Variants in DLGAP2 observed in about 807,000 individuals in gnomAD.
DLGAP2 encodes DLG associated protein 2.
Under a neutral mutation model 100.3 loss-of-function variants are expected in DLGAP2, and 26 were observed. The observed-to-expected ratio is 0.26, with a 90% CI of 0.19 to 0.36. The LOEUF is 0.36. DLGAP2 is among the 10% of genes least tolerant of loss of function. DLGAP2 has a pLI of 1.00. For synonymous variants in DLGAP2, 886 were observed against 630.1 expected (o/e 1.41, Z -6.08); for missense variants, 1,858 against 1,453.2 (o/e 1.28, Z -4.53).
At chr8:760,983 A>G (rs1189184330) in intron 1 of DLGAP2, among the ~76,000 whole-genome samples, 1 of 152,178 alleles carries the variant, frequency 6.6e-6, no homozygotes, top group African/African-American at 2.4e-5. Context: ...TTCCAGGCTC[A>G]TGGGCATTTT....
intron 8 of DLGAP2, among the ~76,000 whole-genome samples, chr8:1,663,970 A>C (rs1468895632): frequency 6.6e-6 from 1 of 152,206 alleles, no homozygotes; most frequent in African/African-American, 2.4e-5. Flanking sequence ...CAGCCCCCAG[A>C]GGAGCCTGCA....
intron 2 of DLGAP2, among the ~76,000 whole-genome samples, chr8:1,228,579 G>T (rs1446839199): frequency 6.6e-6 from 1 of 152,126 alleles, no homozygotes; most frequent in East Asian, 1.9e-4. Flanking sequence ...ATTGAATCCA[G>T]CAACATAGAA....
At chr8:1,672,487 C>G (rs906043786) in intron 10 of DLGAP2, among the ~76,000 whole-genome samples, 38 of 152,212 alleles carry the variant, frequency 2.5e-4, no homozygotes, top group South Asian at 2.1e-4. Flanking sequence ...CTCAGCCTCC[C>G]CAAGTGCTGG....
intron 2 of DLGAP2, among the ~76,000 whole-genome samples, chr8:1,050,658 A>C (rs1050194358): frequency 6.6e-6 from 1 of 152,180 alleles, no homozygotes; most frequent in Non-Finnish European, 1.5e-5. Flanking sequence ...AATTCTTCCA[A>C]CCCAGTCTCC....
chr8:1,277,802 C>T (rs955031903), intron 3 of DLGAP2, among the ~76,000 whole-genome samples: 3 of 152,268 alleles, frequency 2.0e-5, no homozygotes, highest in Admixed American at 6.5e-5. Flanking sequence ...TTTCTCCGCA[C>T]GTTTCTCTAA....
intron 3 of DLGAP2, among the ~76,000 whole-genome samples, chr8:1,415,614 C>A (rs954179265): frequency 7.9e-5 from 12 of 152,190 alleles, no homozygotes; most frequent in Admixed American, 1.3e-4. Context: ...CCCCCACCTG[C>A]ATCCGTGTTG....
chr8:1,342,117 A>G (rs1742805875), intron 3 of DLGAP2, among the ~76,000 whole-genome samples: 12 of 151,622 alleles, frequency 7.9e-5, no homozygotes. Flanking sequence ...CCCCCAGCTG[A>G]TTTTTCTGTA....
intron 3 of DLGAP2, among the ~76,000 whole-genome samples, chr8:1,348,327 G>A (rs1227579171): frequency 1.3e-5 from 2 of 150,362 alleles, no homozygotes; most frequent in African/African-American, 4.9e-5. Context: ...TAGCTGTGTG[G>A]AGATTGAGTT....
chr8:1,175,221 A>G (rs1236873317), intron 2 of DLGAP2, among the ~76,000 whole-genome samples: 1 of 151,562 alleles, frequency 6.6e-6, no homozygotes, highest in Non-Finnish European at 1.5e-5. Flanking sequence ...GTGAGCACAG[A>G]AATGTCTTCA....
chr8:1,434,571 G>T (rs1797561659), intron 3 of DLGAP2, among the ~76,000 whole-genome samples: 1 of 152,086 alleles, frequency 6.6e-6, no homozygotes, highest in African/African-American at 2.4e-5. Flanking sequence ...CAACCTCCTG[G>T]GCTCAAGCAA....
At chr8:1,465,914 A>G (rs1336733504) in intron 3 of DLGAP2, among the ~76,000 whole-genome samples, 4 of 152,216 alleles carry the variant, frequency 2.6e-5, no homozygotes, top group Admixed American at 2.6e-4. Context: ...GCCATGACAG[A>G]AAGGCCGGGA....
chr8:1,258,505 T>C (rs1799275945), intron 2 of DLGAP2, among the ~76,000 whole-genome samples: 1 of 152,218 alleles, frequency 6.6e-6, no homozygotes, highest in African/African-American at 2.4e-5. Flanking sequence ...AAAACCTGGA[T>C]GATGGATTGA....
chr8:1,503,836 G>C (rs1456918248), intron 4 of DLGAP2, among the ~76,000 whole-genome samples: 2 of 152,192 alleles, frequency 1.3e-5, no homozygotes, highest in Non-Finnish European at 2.9e-5. Context: ...GGTTGGCTGA[G>C]AGGACCCTCA....
chr8:1,506,277 A>G (rs990922424), intron 4 of DLGAP2, among the ~76,000 whole-genome samples: 3 of 152,220 alleles, frequency 2.0e-5, no homozygotes, highest in African/African-American at 7.2e-5. Context: ...TTGTCATTTT[A>G]TCGTCCATAC....
intron 2 of DLGAP2, among the ~76,000 whole-genome samples, chr8:1,219,935 A>C (rs1211707870): frequency 6.6e-6 from 1 of 151,320 alleles, no homozygotes; most frequent in Non-Finnish European, 1.5e-5. Context: ...AGCTTTTTGT[A>C]TTTCTGTGGA....
chr8:967,845 T>C (rs1252945681), intron 2 of DLGAP2, among the ~76,000 whole-genome samples: 1 of 71,078 alleles, frequency 1.4e-5, no homozygotes, highest in Non-Finnish European at 2.7e-5. Context: ...TATATATATA[T>C]ATATATATAT....
chr8:853,088 A>C (rs955457653), intron 1 of DLGAP2, among the ~76,000 whole-genome samples: 1 of 152,232 alleles, frequency 6.6e-6, no homozygotes, highest in African/African-American at 2.4e-5. Flanking sequence ...GTGCTAGAGT[A>C]TGAGTCTAAC....
At chr8:1,034,248 A>G (rs1161440692) in intron 2 of DLGAP2, among the ~76,000 whole-genome samples, 1 of 13,892 alleles carries the variant, frequency 7.2e-5, no homozygotes, top group Non-Finnish European at 1.3e-4. Flanking sequence ...GCTCATCCCG[A>G]CCCCGCGTGT....
At chr8:980,166 A>G (rs535354119) in intron 2 of DLGAP2, among the ~76,000 whole-genome samples, 3 of 152,352 alleles carry the variant, frequency 2.0e-5, no homozygotes, top group South Asian at 4.1e-4. Context: ...AGACAAATCT[A>G]TAACTTGGAG....
Sources: allele counts gnomAD v4.1 joint callset (sites outside exome capture counted in the v4.1 genomes callset), GRCh38; gene constraint gnomAD v4.1.1; transcripts MANE v1.5; gene names NCBI Gene and HGNC (gene_info 2026-07-23, HGNC 2026-07-21).